Variants in ABCB11 observed in about 807,000 individuals in gnomAD.
ABCB11 encodes bile salt export pump.
ABCB11 carries 95 observed loss-of-function variants against 148.0 expected under a neutral mutation model. The ratio of observed to expected loss-of-function variants is 0.64; its 90% confidence interval spans 0.54 to 0.76. The LOEUF (loss-of-function observed/expected upper bound fraction) is 0.76, where lower values mean the gene tolerates loss of function less well. Among genes scored for constraint, ABCB11 ranks in the 30% least tolerant of loss-of-function variants. ABCB11 has a pLI of 0.00. For missense variants in ABCB11, 1,523 were observed against 1,617.8 expected (o/e 0.94, Z 1.01); for synonymous variants, 591 against 555.4 (o/e 1.06, Z -0.90).
chr2:168,931,107 A>G (rs1691549642), intron 24 of ABCB11, among the ~76,000 whole-genome samples: 1 of 152,210 alleles, frequency 6.6e-6, no homozygotes, highest in South Asian at 2.1e-4. Context: ...CCAGTCTAAC[A>G]TAAGGGGATT....
chr2:168,996,708 T>G lies in ABCB11; in HGVS notation c.404A>C (p.Glu135Ala), dbSNP rs1288517834. ...NGTRCGLLNI[E>A]SEMIKFASYY... The stretch of plus-strand genomic sequence containing the variant: ...ACTGGCAAATTTGATCATTTCGCTC[T>G]CGATGTTCAGCAACCTTCAAAAGAG... The change falls in exon 6 of 28, where the codon GAG (glutamate) becomes GCG (alanine). Residue 135 changes from glutamate (E) to alanine (A), a missense_variant. Glu to Ala is a moderately radical substitution (Grantham distance 107). Coordinates refer to ENST00000650372, the MANE Select transcript of ABCB11 (RefSeq NM_003742.4). The G allele has an allele frequency of 1.9e-6, 3 of 1,563,258 alleles. No individual in the cohort carries two copies. In the Admixed American group the frequency reaches 5.5e-5, roughly 29 times the overall value.
At chr2:168,944,280 C>G (rs557281314) in intron 21 of ABCB11, among the ~76,000 whole-genome samples, 2 of 111,370 alleles carry the variant, frequency 1.8e-5, no homozygotes, top group Admixed American at 9.7e-5. Flanking sequence ...TCACCCACCC[C>G]CTGGGGGGCA....
Position 168,923,449 on chromosome 2 carries a change from A to G in ABCB11, c.*173T>C, listed in dbSNP as rs947272880. ...TAAAGCAGAATTATTATGGAAGGCC[A>G]TTAGAAATTAGCTTGGATTCCGATG... On this transcript the variant is annotated 3_prime_UTR_variant, in exon 28 of 28. Coordinates refer to ENST00000650372, the MANE Select transcript of ABCB11 (RefSeq NM_003742.4). The G allele has an allele frequency of 1.6e-6, 1 of 644,794 alleles. No homozygotes were observed. Among genetic ancestry groups the G allele is most frequent in the African/African-American group, 1.8e-5 (1 of 54,434 alleles). 39.9% of individuals were successfully genotyped at this position (644,794 alleles called of 1,614,324 possible).
In ABCB11 at chr2:168,924,722, C is replaced by T; in HGVS notation, c.3700G>A (p.Val1234Ile). 1 of 1,613,652 alleles carries T rather than the reference C, an allele frequency of 6.2e-7. No homozygotes were observed. Among genetic ancestry groups the T allele is most frequent in the Non-Finnish European group, 8.5e-7 (1 of 1,179,798 alleles). ...AGTAGCAAGATTTTAGGATCTCGTA[C>T]AATGGCCCGAGCAATAGCAATGCGT... ...KQRIAIARAI[V>I]RDPKILLLDE... The change falls in exon 27 of 28, where the codon GTA becomes ATA. Residue 1234 changes from valine (V) to isoleucine (I), a missense_variant. Val to Ile is a conservative substitution (Grantham distance 29). Coordinates refer to ENST00000650372, the MANE Select transcript of ABCB11 (RefSeq NM_003742.4).
chr2:169,021,344 G>A (rs759950185), intron 1 of ABCB11, among the ~76,000 whole-genome samples: 28 of 151,662 alleles, frequency 1.8e-4, no homozygotes, highest in Non-Finnish European at 2.8e-4. Flanking sequence ...AAAAGGATAC[G>A]TCATGCAAAT....
intron 21 of ABCB11, 42 bp downstream of exon 21, chr2:168,944,563 C>A (rs1258499263): frequency 6.5e-7 from 1 of 1,533,328 alleles, no homozygotes; most frequent in Admixed American, 2.1e-5. Context: ...GAAAGAATGC[C>A]AATGCAGTTA....
intron 5 of ABCB11, among the ~76,000 whole-genome samples, chr2:169,008,400 A>G (rs1210888559): frequency 6.6e-6 from 1 of 152,136 alleles, no homozygotes; most frequent in East Asian, 1.9e-4. Flanking sequence ...TCTTCTCTCT[A>G]CAGGCAAATC....
intron 21 of ABCB11, among the ~76,000 whole-genome samples, chr2:168,937,895 C>T (rs549501176): frequency 3.3e-5 from 5 of 152,278 alleles, no homozygotes; most frequent in African/African-American, 1.2e-4. Flanking sequence ...CTATACTAAT[C>T]AGAGTATCCA....
In ABCB11 at chr2:169,007,666, C is replaced by G. The variant is rs1464792389; in HGVS notation, c.389+5606G>C. ...AATTCAGAAGCAACAAAAGAATAAA[C>G]TAGACATCACCAAAATTAAACACTT... On this transcript the variant is annotated intron_variant, in intron 5 of 27. Transcript: ENST00000650372. Among the ~76,000 whole-genome samples the G allele has an allele frequency of 2.6e-5, 4 of 152,156 alleles. No individual in the cohort carries two copies. In the East Asian group the frequency reaches 7.7e-4, roughly 29 times the overall value.
At chr2:168,969,952 C>CCAAA in intron 15 of ABCB11, 93 bp downstream of exon 15, 2 of 541,482 alleles carry the variant, frequency 3.7e-6, no homozygotes, top group Non-Finnish European at 3.6e-6. Context: ...ATCAACTACT[C>CCAAA]CCATCCCTCC....
intron 18 of ABCB11, among the ~76,000 whole-genome samples, chr2:168,959,610 G>T (rs1188950647): frequency 6.6e-6 from 1 of 151,592 alleles, no homozygotes; most frequent in Non-Finnish European, 1.5e-5. Flanking sequence ...CTTCATTCGG[G>T]TTATTTTTTC....
intron 23 of ABCB11, among the ~76,000 whole-genome samples, chr2:168,932,925 C>T (rs113499657): frequency 4.5e-4 from 69 of 151,900 alleles, no homozygotes; most frequent in African/African-American, 3.9e-4. Flanking sequence ...CTGGCTAACA[C>T]GGTGAAACCC....
At chr2:168,976,462 A>G in intron 12 of ABCB11, 115 bp downstream of exon 12, 1 of 576,432 alleles carries the variant, frequency 1.7e-6, no homozygotes, top group Non-Finnish European at 3.0e-6. Context: ...AGACACCTCC[A>G]TTCCCTATTA....
intron 4 of ABCB11, 25 bp downstream of exon 4, chr2:169,014,278 C>A (rs374228739): frequency 4.9e-5 from 78 of 1,606,330 alleles, no homozygotes; most frequent in Non-Finnish European, 5.1e-6. Context: ...ACACCCACTG[C>A]CATAAATCAA....
chr2:168,961,369 TA>T (rs1693068274), intron 18 of ABCB11, among the ~76,000 whole-genome samples: 1 of 151,714 alleles, frequency 6.6e-6, no homozygotes, highest in Admixed American at 6.6e-5. Context: ...GATTTGATGA[TA>T]AAAAGTGGTA....
chr2:169,016,962 G>GTCTCTC (rs140755843), intron 2 of ABCB11, among the ~76,000 whole-genome samples, 163 bp from the exon 3 acceptor site: 13 of 143,108 alleles, frequency 9.1e-5, no homozygotes, highest in African/African-American at 3.1e-4. Context: ...TGCTCATATT[G>GTCTCTC]TCTCTCTCTA....
chr2:168,915,502 A>C (rs1690924542), exon 3 of ABCB11, among the ~76,000 whole-genome samples: 1 of 152,256 alleles, frequency 6.6e-6, no homozygotes, highest in African/African-American at 2.4e-5. Context: ...CAATTACAAA[A>C]AAACTACTTC....
At chr2:168,927,911 G>A (rs1691387323) in intron 25 of ABCB11, among the ~76,000 whole-genome samples, 1 of 152,106 alleles carries the variant, frequency 6.6e-6, no homozygotes, top group South Asian at 2.1e-4. Context: ...ACCATCCTAA[G>A]CCATCTATGT....
At chr2:168,944,582 C>T (rs1338906016) in intron 21 of ABCB11, 23 bp downstream of exon 21, 1 of 1,568,578 alleles carries the variant, frequency 6.4e-7, no homozygotes, top group African/African-American at 1.4e-5. Context: ...TAATATACTT[C>T]TATTTCCCCT....
Sources: gnomAD v4.1 joint callset for allele counts (sites outside exome capture counted in the v4.1 genomes callset) on GRCh38, gnomAD v4.1.1 for gene constraint, MANE v1.5 for transcripts, NCBI Gene and HGNC (gene_info 2026-07-23, HGNC 2026-07-21) for gene names.